Variants in DNAH1 observed in about 807,000 individuals in gnomAD.
DNAH1 encodes the protein dynein axonemal heavy chain 1.
A neutral mutation model predicts 484.3 loss-of-function variants in DNAH1; 327 were observed. That is an observed-to-expected ratio of 0.68 (90% CI 0.62 to 0.74). The LOEUF is 0.74. DNAH1 is among the 30% of genes least tolerant of loss of function. DNAH1 has a pLI of 0.00. For synonymous variants in DNAH1, 2,192 were observed against 2,191.9 expected, an observed-to-expected ratio of 1.00 and a Z score of 0.00; for missense variants, 5,052 against 5,546.8, an observed-to-expected ratio of 0.91 and a Z score of 2.83.
chr3:52,386,090 T>C lies in DNAH1; in HGVS notation c.8626-70T>C. ...GAGAACAGGGCACCCCAACTCTCCT[T>C]CCATCTGGGGAGACTAAGATGCAGA... On this transcript the variant is annotated intron_variant, in intron 54 of 77. Transcript: ENST00000420323. 2.0e-6 allele frequency: 3 copies of C among 1,494,244 alleles called. No homozygotes were observed. In the East Asian group the frequency reaches 7.2e-5, roughly 36 times the overall value. The allele number at this position is 1,494,244 out of a possible 1,614,324, so 92.6% of individuals were successfully genotyped here. A position where few individuals can be genotyped will look rare whatever the true frequency, so the allele number is the denominator to read the frequency against.
chr3:52,334,143 G>T (rs1048127144), intron 8 of DNAH1, among the ~76,000 whole-genome samples: 1 of 152,216 alleles, frequency 6.6e-6, no homozygotes, highest in Non-Finnish European at 1.5e-5. Context: ...TGCACACCCA[G>T]GATATATGGT....
At chr3:52,375,167 A>G (rs976192063) in intron 44 of DNAH1, 73 bp from the exon 45 acceptor site, 35 of 1,476,536 alleles carry the variant, frequency 2.4e-5, no homozygotes, top group Non-Finnish European at 3.0e-5. Flanking sequence ...GAATTTTTGT[A>G]TGGAGAAGGG....
Position 52,370,531 on chromosome 3 carries a change from C to G in DNAH1, c.6313C>G (p.Pro2105Ala), listed in dbSNP as rs780811972. ...GAGTCGCATCGTAGAGTTGATCGAG[C>G]CCTGGTTCATCTTCTCCCTGATCTG... ...KLSRIVELIE[P>A]WFIFSLIWSV... The change falls in exon 40 of 78, where the codon CCC becomes GCC. Residue 2105 changes from proline (P) to alanine (A), a missense_variant. Coordinates refer to ENST00000420323, the MANE Select transcript of DNAH1 (RefSeq NM_015512.5). 98 of 1,613,884 alleles carry G rather than the reference C, an allele frequency of 6.1e-5. No homozygotes were observed. The highest frequency in any genetic ancestry group is 8.1e-5 in the Non-Finnish European group (95 of 1,179,898).
rs749521389 is a variant in DNAH1 at position 52,361,772 on chromosome 3, C to T, written c.4980+6C>T. On this transcript the variant is annotated splice_donor_region_variant and intron_variant, in intron 30 of 77. Transcript: ENST00000420323. This position sits in a 1 kb window ranked among gnomAD's most constrained non-coding sequence, Gnocchi z 5.6. ...AGAAGGCGCAGCAGCAGCGGGTGAG[C>T]CCGGGGGACCCACCTTACTCCCTCA... 2 of 1,594,446 alleles carry T rather than the reference C, an allele frequency of 1.3e-6. No individual in the cohort carries two copies. The highest frequency in any genetic ancestry group is 4.6e-5 in the East Asian group (2 of 43,870).
intron 60 of DNAH1, 26 bp downstream of exon 60, chr3:52,389,612 C>T: frequency 2.1e-6 from 3 of 1,408,712 alleles, no homozygotes; most frequent in South Asian, 1.5e-5. Flanking sequence ...GCAGGAGTGC[C>T]CAGGCAGGGC....
Position 52,358,782 on chromosome 3 carries a change from C to T in DNAH1, c.4266+45C>T, listed in dbSNP as rs751191502. On this transcript the variant is annotated intron_variant, in intron 25 of 77. Transcript: ENST00000420323. This position sits in a 1 kb window ranked among gnomAD's most constrained non-coding sequence, Gnocchi z 4.2. ...TGCAGCCTTCCACCCCTGCACCCCT[C>T]TGCTCCCTCTCAGTGCCCCTCCTGC... The T allele has an allele frequency of 6.2e-7, 1 of 1,603,938 alleles. No homozygotes were observed. The highest frequency in any genetic ancestry group is 1.1e-5 in the South Asian group (1 of 89,950).
chr3:52,317,157 A>G (rs1700976644), intron 1 of DNAH1, among the ~76,000 whole-genome samples: 1 of 152,154 alleles, frequency 6.6e-6, no homozygotes, highest in African/African-American at 2.4e-5. Flanking sequence ...TGTTTCTTCA[A>G]ACACTTCAGG....
intron 47 of DNAH1, 75 bp downstream of exon 47, chr3:52,378,855 C>A: frequency 6.4e-7 from 1 of 1,571,200 alleles, no homozygotes; most frequent in Non-Finnish European, 8.7e-7. Context: ...CAATTTCAGG[C>A]CTTCCTGCCC....
chr3:52,364,557 C>A lies in DNAH1; in HGVS notation c.5245-81C>A. ...GCTGGTGATGAGACTTGGCCAACTGCCAGGTGGGAGGCAGAGTGTTCCAGG... is the reference window on the plus strand; with the variant it reads ...GCTGGTGATGAGACTTGGCCAACTGACAGGTGGGAGGCAGAGTGTTCCAGG... On this transcript the variant is annotated intron_variant, in intron 32 of 77. Transcript: ENST00000420323. The surrounding 1 kb of genome is among the most constrained non-coding windows in gnomAD (Gnocchi z 4.2). 2 of 1,525,286 alleles carry A rather than the reference C, an allele frequency of 1.3e-6. No individual in the cohort carries two copies. The highest frequency in any genetic ancestry group is 1.7e-5 in the Admixed American group (1 of 59,652). 94.5% of individuals were successfully genotyped at this position (1,525,286 alleles called of 1,614,324 possible).
intron 8 of DNAH1, among the ~76,000 whole-genome samples, chr3:52,338,391 G>T (rs1001303968): frequency 2.6e-5 from 4 of 152,170 alleles, no homozygotes; most frequent in African/African-American, 9.7e-5. Flanking sequence ...TTACAGGCAT[G>T]AGCCACTGTG....
chr3:52,327,791 A>C, intron 5 of DNAH1, 91 bp from the exon 6 acceptor site: 1 of 1,488,690 alleles, frequency 6.7e-7, no homozygotes. Context: ...GGAGGGTATT[A>C]CTTAGGCACC....
chr3:52,311,633 T>C (rs1365416688), upstream of DNAH1, among the ~76,000 whole-genome samples: 1 of 152,152 alleles, frequency 6.6e-6, no homozygotes, highest in East Asian at 1.9e-4. Context: ...CCCAGCTGCG[T>C]GTATCCTGAC....
At position 52,346,615 on chromosome 3, in the gene DNAH1, G is replaced by A; in HGVS notation, c.1800G>A (p.Met600Ile). 1 of 1,614,072 alleles carries A rather than the reference G, an allele frequency of 6.2e-7. No individual in the cohort carries two copies. Among genetic ancestry groups the A allele is most frequent in the African/African-American group, 1.3e-5 (1 of 75,066 alleles). The change falls in exon 11 of 78, where the codon ATG becomes ATA. Residue 600 changes from methionine (M) to isoleucine (I), a missense_variant. Met to Ile is a conservative substitution (Grantham distance 10). This residue lies in a region of DNAH1 where 1,263 missense variants were observed against 1,218.8 expected (regional missense o/e 1.04). Transcript: ENST00000420323. ...TCATGTCCAAGCTGCGCAAGCTGAT[G>A]GAGCTGGTGAAGTACATGCTGCAGG... ...VYLMSKLRKL[M>I]ELVKYMLQDT... is the part of the protein sequence containing the mutation.
rs1176018914 is a variant in DNAH1 at position 52,375,999 on chromosome 3, T to C, written c.7198+6T>C. 1 of 1,611,212 alleles carries C rather than the reference T, an allele frequency of 6.2e-7. No individual in the cohort carries two copies. Among genetic ancestry groups the C allele is most frequent in the Non-Finnish European group, 8.5e-7 (1 of 1,179,154 alleles). ...AAGCTACCGGGAGCGTGTGCGTAAG[T>C]GTGGGCCTGGGCGGGAATGGGGCAC... On this transcript the variant is annotated splice_donor_region_variant and intron_variant, in intron 46 of 77. Coordinates refer to ENST00000420323, the MANE Select transcript of DNAH1 (RefSeq NM_015512.5).
Position 52,353,690 on chromosome 3 carries a change from C to A in DNAH1, c.3480+57C>A. 1 of 1,546,906 alleles carries A rather than the reference C, an allele frequency of 6.5e-7. No homozygotes were observed. The highest frequency in any genetic ancestry group is 8.7e-7 in the Non-Finnish European group (1 of 1,147,682). On this transcript the variant is annotated intron_variant, in intron 20 of 77. Coordinates refer to ENST00000420323, the MANE Select transcript of DNAH1 (RefSeq NM_015512.5). This position sits in a 1 kb window ranked among gnomAD's most constrained non-coding sequence, Gnocchi z 5.0. ...AGCCAGGCCCTGCCGGACAGCCTGA[C>A]CTCCTGCTCTGGCAACCACAGCCAC...
In DNAH1 at chr3:52,327,863, T is replaced by G. The variant is rs776255993; in HGVS notation, c.739-19T>G. 2 of 1,611,692 alleles carry G rather than the reference T, an allele frequency of 1.2e-6. No homozygotes were observed. The highest frequency in any genetic ancestry group is 8.5e-7 in the Non-Finnish European group (1 of 1,177,956). Reference sequence around the variant, plus strand: ...CTAGAGGAGCTGCTTCTTCCCAATGTTGGCCTGCTTTCTTCCAGGTATTTG... The same window carrying G: ...CTAGAGGAGCTGCTTCTTCCCAATGGTGGCCTGCTTTCTTCCAGGTATTTG... On this transcript the variant is annotated intron_variant, in intron 5 of 77. Coordinates refer to ENST00000420323, the MANE Select transcript of DNAH1 (RefSeq NM_015512.5).
At position 52,361,860 on chromosome 3, in the gene DNAH1, G is replaced by T. The variant is rs1702875646; in HGVS notation, c.4980+94G>T. On this transcript the variant is annotated intron_variant, in intron 30 of 77. Transcript: ENST00000420323. The surrounding 1 kb of genome is among the most constrained non-coding windows in gnomAD (Gnocchi z 5.6). ...GCAGGCTGAGAAGCCAGGCGCTAAGGTCCACCCTGGGTCCAGCCTCTCTTG... is the reference window on the plus strand; with the variant it reads ...GCAGGCTGAGAAGCCAGGCGCTAAGTTCCACCCTGGGTCCAGCCTCTCTTG... 7.5e-7 allele frequency: 1 copy of T among 1,334,900 alleles called. No homozygotes were observed. The highest frequency in any genetic ancestry group is 1.0e-6 in the Non-Finnish European group (1 of 968,178). The allele number at this position is 1,334,900 out of a possible 1,614,324, so 82.7% of individuals were successfully genotyped here.
At chr3:52,382,279 C>T (rs773101930) in intron 49 of DNAH1, 41 bp from the exon 50 acceptor site, 4 of 1,613,712 alleles carry the variant, frequency 2.5e-6, no homozygotes, top group East Asian at 2.2e-5. Flanking sequence ...GCGTCTGGCC[C>T]CAAGTCCCTG....
chr3:52,345,408 C>T, intron 9 of DNAH1, 87 bp from the exon 10 acceptor site: 1 of 1,138,594 alleles, frequency 8.8e-7, no homozygotes, highest in Non-Finnish European at 1.3e-6. Flanking sequence ...GAGTCATGGC[C>T]CTCCTTCAAG....
Sources: gnomAD v4.1 joint callset for allele counts (sites outside exome capture counted in the v4.1 genomes callset) on GRCh38, gnomAD v4.1.1 for gene constraint, gnomAD v4.1.1 regional missense constraint, Gnocchi (gnomAD v3.1) non-coding constraint, MANE v1.5 for transcripts, NCBI Gene and HGNC (gene_info 2026-07-23, HGNC 2026-07-21) for gene names.